The following DIPK2A variants were observed in gnomAD, a reference collection of about 807,000 sequenced individuals.
DIPK2A encodes divergent protein kinase domain 2A, also known as Golgi Protein of 49 kDa.
In DIPK2A, 27 loss-of-function variants were observed where a neutral mutation model predicts 39.0. That is an observed-to-expected ratio of 0.69 (90% confidence interval 0.51 to 0.96). The LOEUF is 0.96. Among genes scored for constraint, DIPK2A ranks in the 40% least tolerant of loss-of-function variants. The pLI is 0.00. For synonymous variants in DIPK2A, 298 were observed against 240.8 expected (o/e 1.24, Z -2.20); for missense variants, 528 against 571.3 (o/e 0.92, Z 0.77).
At chr3:143,982,144 T>C (rs73002607) in intron 1 of DIPK2A, among the ~76,000 whole-genome samples, 113 of 152,358 alleles carry the variant, frequency 7.4e-4, no homozygotes, top group African/African-American at 2.6e-3. Context: ...ACGTTTCTTA[T>C]AGCATCAGTG....
intron 1 of DIPK2A, among the ~76,000 whole-genome samples, chr3:143,982,693 A>G (rs1369098935): frequency 6.6e-6 from 1 of 152,216 alleles, no homozygotes; most frequent in African/African-American, 2.4e-5. Flanking sequence ...GCATCAACTA[A>G]TGAGCAAAAT....
chr3:143,981,886 C>G (rs1479429864), intron 1 of DIPK2A, among the ~76,000 whole-genome samples: 1 of 152,160 alleles, frequency 6.6e-6, no homozygotes, highest in African/African-American at 2.4e-5. Flanking sequence ...TAACACTGTA[C>G]TAATAAGATT....
chr3:143,972,869 G>A lies in DIPK2A; in HGVS notation c.537G>A (p.Leu179=). 2 of 1,575,064 alleles carry A rather than the reference G, an allele frequency of 1.3e-6. No individual in the cohort carries two copies. The highest frequency in any genetic ancestry group is 1.8e-5 in the Admixed American group (1 of 55,002). Reference sequence around the variant, plus strand: ...CCTCGCAGCGCCTTCTCGACCGCCTGGTGCGCCGCTACGCGGAGACCAAGG... The same window carrying A: ...CCTCGCAGCGCCTTCTCGACCGCCTAGTGCGCCGCTACGCGGAGACCAAGG... ...HCPSQRLLDR[L]VRRYAETKDS... Residue 179 remains leucine (L), a synonymous_variant, in exon 1 of 3, where the codon CTG becomes CTA. Coordinates refer to ENST00000315691, the MANE Select transcript of DIPK2A (RefSeq NM_173552.5).
chr3:143,978,618 A>ATCTATC (rs1164181243), intron 1 of DIPK2A: 1 of 32,746 alleles, frequency 3.1e-5, no homozygotes, highest in African/African-American at 4.0e-4. Context: ...ATATATATCT[A>ATCTATC]TATCTATATA....
At chr3:143,982,953 A>C (rs1464084550) in intron 1 of DIPK2A, among the ~76,000 whole-genome samples, 2 of 152,232 alleles carry the variant, frequency 1.3e-5, no homozygotes, top group Non-Finnish European at 2.9e-5. Flanking sequence ...CTGATAAAAC[A>C]GACTTTAAAC....
rs917414058 is a variant in DIPK2A, at chr3:143,991,689, A to T, written c.*1848A>T. 9.8e-5 allele frequency: 15 copies of T among 152,594 alleles called. No homozygotes were observed. The highest frequency in any genetic ancestry group is 3.6e-4 in the African/African-American group (15 of 41,454). 9.5% of individuals were successfully genotyped at this position (152,594 alleles called of 1,614,324 possible). A position where few individuals can be genotyped will look rare whatever the true frequency, so the allele number is the denominator to read the frequency against. The stretch of plus-strand genomic sequence containing the variant: ...GCATTTAAGTGCTTGGAATTTTACT[A>T]AACTGACTTTTTTGCAACTTTGGGA... On this transcript the variant is annotated 3_prime_UTR_variant, in exon 3 of 3. Transcript: ENST00000315691.
chr3:143,978,025 C>T lies in DIPK2A; in HGVS notation c.657+5036C>T, dbSNP rs1434606646. ...GTCTTTGAACTATTCTTTATATTTCCATTGCATAGGTTAGCACATATTCTC... is the reference window on the plus strand; with the variant it reads ...GTCTTTGAACTATTCTTTATATTTCTATTGCATAGGTTAGCACATATTCTC... On this transcript the variant is annotated intron_variant, in intron 1 of 2. Coordinates refer to ENST00000315691, the MANE Select transcript of DIPK2A (RefSeq NM_173552.5). Among the ~76,000 whole-genome samples, 3 of 151,938 alleles carry T rather than the reference C, an allele frequency of 2.0e-5. No homozygotes were observed. In the East Asian group the frequency reaches 5.8e-4, roughly 29 times the overall value.
chr3:143,992,114 T>C lies in DIPK2A; in HGVS notation c.*2273T>C, dbSNP rs942532850. On this transcript the variant is annotated 3_prime_UTR_variant, in exon 3 of 3. Transcript: ENST00000315691. ...AAAGCAATAAATATTTTGTTCACTT[T>C]GCTATCAAGATGTTCACTATCAGAT... The C allele has an allele frequency of 3.3e-5, 5 of 152,632 alleles. No homozygotes were observed. Among genetic ancestry groups the C allele is most frequent in the African/African-American group, 1.2e-4 (5 of 41,458 alleles). The allele number at this position is 152,632 out of a possible 1,614,324, so 9.5% of individuals were successfully genotyped here.
At chr3:143,973,142 C>A (rs1490150666) in intron 1 of DIPK2A, 153 bp downstream of exon 1, 3 of 1,170,344 alleles carry the variant, frequency 2.6e-6, no homozygotes, top group Non-Finnish European at 3.7e-6. Flanking sequence ...TCCGGGGGAG[C>A]CCCGGGGCTG....
intron 2 of DIPK2A, among the ~76,000 whole-genome samples, chr3:143,989,236 G>T (rs1475562281): frequency 1.3e-5 from 2 of 152,174 alleles, no homozygotes; most frequent in African/African-American, 4.8e-5. Context: ...GTAGCATTGT[G>T]TCATATTTCT....
chr3:143,984,598 A>G (rs960404897), intron 1 of DIPK2A, among the ~76,000 whole-genome samples: 1 of 151,904 alleles, frequency 6.6e-6, no homozygotes, highest in Admixed American at 6.6e-5. Flanking sequence ...TTCATTTTCT[A>G]GTTACATATT....
chr3:143,975,391 T>G (rs2087714263), intron 1 of DIPK2A, among the ~76,000 whole-genome samples: 1 of 152,104 alleles, frequency 6.6e-6, no homozygotes. Flanking sequence ...GCTTTCTTTG[T>G]AGAATCACTT....
intron 1 of DIPK2A, among the ~76,000 whole-genome samples, chr3:143,980,003 A>G (rs2087804584): frequency 6.6e-6 from 1 of 152,194 alleles, no homozygotes; most frequent in Non-Finnish European, 1.5e-5. Context: ...TTTGGCTGCT[A>G]TTTAGCAGTA....
chr3:143,977,876 C>T (rs1266902832), intron 1 of DIPK2A, among the ~76,000 whole-genome samples: 3 of 152,074 alleles, frequency 2.0e-5, no homozygotes, highest in Non-Finnish European at 4.4e-5. Context: ...AACAGACAAT[C>T]GCCCTTAAGA....
chr3:143,973,403 T>G lies in DIPK2A; in HGVS notation c.657+414T>G, dbSNP rs922738376. The G allele has an allele frequency of 3.2e-6, 5 of 1,549,506 alleles. No homozygotes were observed. In the African/African-American group the frequency reaches 5.5e-5, roughly 17 times the overall value. ...TGGACCTTTCCTAGTTCTTCTGAAG[T>G]GTTCTACACCGCGTTCGCTCTTCCT... On this transcript the variant is annotated intron_variant, in intron 1 of 2. Coordinates refer to ENST00000315691, the MANE Select transcript of DIPK2A (RefSeq NM_173552.5).
At chr3:143,973,271 C>A in intron 1 of DIPK2A, 1 of 1,388,024 alleles carries the variant, frequency 7.2e-7, no homozygotes, top group Non-Finnish European at 9.9e-7. Flanking sequence ...TCTCTTAACA[C>A]TCCCCAAAAT....
chr3:143,972,106 G>T lies in DIPK2A; in HGVS notation c.-227G>T. On this transcript the variant is annotated 5_prime_UTR_variant, in exon 1 of 3. Coordinates refer to ENST00000315691, the MANE Select transcript of DIPK2A (RefSeq NM_173552.5). ...GAGGGCGGGGAGCTAGGAGGAGGGAGCTCGAGAGTTGTGGAGACTAGTGAC... is the reference window on the plus strand; with the variant it reads ...GAGGGCGGGGAGCTAGGAGGAGGGATCTCGAGAGTTGTGGAGACTAGTGAC... The T allele has an allele frequency of 2.5e-6, 1 of 396,536 alleles. No individual in the cohort carries two copies. The highest frequency in any genetic ancestry group is 4.4e-6 in the Non-Finnish European group (1 of 225,888). 24.6% of individuals were successfully genotyped at this position (396,536 alleles called of 1,614,324 possible).
In DIPK2A at chr3:143,972,778, T is replaced by G. The variant is rs1334725130; in HGVS notation, c.446T>G (p.Leu149Arg). The change falls in exon 1 of 3, where the codon CTC becomes CGC. Residue 149 changes from leucine (L) to arginine (R), a missense_variant. This residue lies in a region of DIPK2A where 309 missense variants were observed against 289.8 expected (regional missense o/e 1.07). Coordinates refer to ENST00000315691, the MANE Select transcript of DIPK2A (RefSeq NM_173552.5). The stretch of plus-strand genomic sequence containing the variant: ...ATGCCCCGGACCGAGTTCGCGCGCC[T>G]CAACGGCGACGTGCGTCTGCTCACG... ...QAMPRTEFAR[L>R]NGDVRLLTPE... 6.4e-7 allele frequency: 1 copy of G among 1,570,274 alleles called. No homozygotes were observed.
At chr3:143,973,104 C>A in intron 1 of DIPK2A, 115 bp downstream of exon 1, 1 of 1,381,004 alleles carries the variant, frequency 7.2e-7, no homozygotes, top group Non-Finnish European at 9.9e-7. Context: ...CCGGGCTGGG[C>A]CAGGCTGCAG....
Sources: gnomAD v4.1 joint callset for allele counts (sites outside exome capture counted in the v4.1 genomes callset) on GRCh38, gnomAD v4.1.1 for gene constraint, gnomAD v4.1.1 regional missense constraint, MANE v1.5 for transcripts, NCBI Gene and HGNC (gene_info 2026-07-23, HGNC 2026-07-21) for gene names.